Variants in KCNMA1 observed in about 807,000 individuals in gnomAD.
KCNMA1 encodes the protein Calcium-activated potassium channel subunit alpha-1.
KCNMA1 carries 29 observed loss-of-function variants against 140.0 expected under a neutral mutation model. The observed-to-expected ratio is 0.21, with a 90% confidence interval of 0.15 to 0.28. KCNMA1 has a LOEUF of 0.28. Among genes scored for constraint, KCNMA1 ranks in the 10% least tolerant of loss-of-function variants. The pLI, the probability that KCNMA1 is intolerant of heterozygous loss-of-function variation, is 1.00. For synonymous variants in KCNMA1, 612 were observed against 611.9 expected, an observed-to-expected ratio of 1.00 and a Z score of 0.00; for missense variants, 880 against 1,602.2, an observed-to-expected ratio of 0.55 and a Z score of 7.70.
At chr10:77,146,838 T>C (rs1261362149) in intron 5 of KCNMA1, among the ~76,000 whole-genome samples, 1 of 150,758 alleles carries the variant, frequency 6.6e-6, no homozygotes, top group East Asian at 2.0e-4. Flanking sequence ...ATATGCTACA[T>C]AATCACTCAT....
intron 14 of KCNMA1, among the ~76,000 whole-genome samples, chr10:77,045,951 G>A (rs1461474130): frequency 1.3e-5 from 2 of 152,034 alleles, no homozygotes; most frequent in Non-Finnish European, 2.9e-5. Flanking sequence ...TTGAAAACAG[G>A]CAAATTCTTT....
chr10:77,107,077 G>A (rs2097211693), intron 9 of KCNMA1, among the ~76,000 whole-genome samples: 1 of 152,152 alleles, frequency 6.6e-6, no homozygotes, highest in East Asian at 1.9e-4. Context: ...CTGAGCTCAG[G>A]AAGCACTGGA....
At chr10:77,147,211 C>T (rs547999585) in intron 5 of KCNMA1, among the ~76,000 whole-genome samples, 1 of 152,320 alleles carries the variant, frequency 6.6e-6, no homozygotes, top group Admixed American at 6.5e-5. Flanking sequence ...TGTACTATAA[C>T]TTATTCCCAG....
intron 1 of KCNMA1, among the ~76,000 whole-genome samples, chr10:77,609,805 G>A (rs910525080): frequency 7.9e-5 from 12 of 151,776 alleles, no homozygotes; most frequent in African/African-American, 2.9e-4. Flanking sequence ...AGGAACAAGA[G>A]GAAGTCAGGG....
chr10:77,381,133 AT>A (rs1410163263), intron 2 of KCNMA1, among the ~76,000 whole-genome samples: 1 of 152,164 alleles, frequency 6.6e-6, no homozygotes. Context: ...CGTTCAACAG[AT>A]TCATTCATTC....
At chr10:77,114,473 A>T (rs1413572889) in intron 6 of KCNMA1, among the ~76,000 whole-genome samples, 1 of 152,104 alleles carries the variant, frequency 6.6e-6, no homozygotes, top group East Asian at 1.9e-4. Flanking sequence ...CTCTCCTTCC[A>T]TTGTCAACAC....
chr10:76,993,810 C>G (rs2083448515), intron 19 of KCNMA1, among the ~76,000 whole-genome samples: 1 of 152,230 alleles, frequency 6.6e-6, no homozygotes, highest in Admixed American at 6.5e-5. Flanking sequence ...TGGCCTGGCC[C>G]CTGCCAGGAA....
chr10:77,151,516 C>T lies in KCNMA1; in HGVS notation c.809-30468G>A, dbSNP rs1043597665. Among the ~76,000 whole-genome samples the T allele has an allele frequency of 7.2e-5, 11 of 152,066 alleles. No homozygotes were observed. In the East Asian group the frequency reaches 1.9e-3, roughly 27 times the overall value. The stretch of plus-strand genomic sequence containing the variant: ...TGCTGGGATTACAGGCATGAGCCAC[C>T]ACACCTGGCCATAAATCTGCAGTTT... On this transcript the variant is annotated intron_variant, in intron 5 of 27. Transcript: ENST00000286628.
chr10:77,384,482 G>A (rs1478974420), intron 2 of KCNMA1, among the ~76,000 whole-genome samples: 3 of 152,174 alleles, frequency 2.0e-5, no homozygotes, highest in Non-Finnish European at 2.9e-5. Flanking sequence ...TTCCAAATAG[G>A]CCCATTATGA....
intron 1 of KCNMA1, among the ~76,000 whole-genome samples, chr10:77,613,439 A>G (rs1201991677): frequency 6.6e-6 from 1 of 152,242 alleles, no homozygotes; most frequent in Non-Finnish European, 1.5e-5. Flanking sequence ...ATCTAAAATC[A>G]GACCACATGG....
chr10:77,568,513 G>A (rs2069304753), intron 1 of KCNMA1, among the ~76,000 whole-genome samples: 2 of 151,806 alleles, frequency 1.3e-5, no homozygotes, highest in African/African-American at 2.4e-5. Context: ...ATGCAGAAAA[G>A]GCCTTTGACA....
chr10:77,173,330 G>T (rs538933956), intron 5 of KCNMA1, among the ~76,000 whole-genome samples: 57 of 152,226 alleles, frequency 3.7e-4, no homozygotes, highest in South Asian at 1.7e-3. Flanking sequence ...TAGATTGCCT[G>T]AGATCAAAGC....
At chr10:77,574,187 C>T (rs887237842) in intron 1 of KCNMA1, among the ~76,000 whole-genome samples, 1 of 151,924 alleles carries the variant, frequency 6.6e-6, no homozygotes, top group Non-Finnish European at 1.5e-5. Flanking sequence ...AGCTGCATCT[C>T]ATGTGGTAAG....
intron 5 of KCNMA1, among the ~76,000 whole-genome samples, chr10:77,125,324 T>G (rs942393340): frequency 6.6e-6 from 1 of 152,202 alleles, no homozygotes; most frequent in African/African-American, 2.4e-5. Flanking sequence ...CACTATCTCC[T>G]TTTGGATCTG....
chr10:77,192,758 G>C (rs1238842054), intron 3 of KCNMA1, among the ~76,000 whole-genome samples: 1 of 152,052 alleles, frequency 6.6e-6, no homozygotes, highest in Admixed American at 6.6e-5. Flanking sequence ...AAACTGATAG[G>C]ATCAATTGTT....
chr10:76,872,387 T>G (rs941663208), downstream of KCNMA1: 4 of 152,228 alleles, frequency 2.6e-5, no homozygotes, highest in Non-Finnish European at 5.9e-5. Context: ...TCATGATATC[T>G]TCCAGGAAGA....
chr10:77,608,516 C>A (rs528794601), intron 1 of KCNMA1, among the ~76,000 whole-genome samples: 5 of 152,132 alleles, frequency 3.3e-5, no homozygotes, highest in Non-Finnish European at 7.4e-5. Context: ...TGAGCCCCGG[C>A]CAAGGAGAGG....
At chr10:77,367,319 G>A (rs764561357) in intron 2 of KCNMA1, among the ~76,000 whole-genome samples, 27 of 152,296 alleles carry the variant, frequency 1.8e-4, no homozygotes, top group Middle Eastern at 3.4e-3. Context: ...GTTTTTTGAA[G>A]TGATAAAATA....
At chr10:77,121,634 T>A (rs886577633) in intron 5 of KCNMA1, among the ~76,000 whole-genome samples, 1 of 151,908 alleles carries the variant, frequency 6.6e-6, no homozygotes, top group African/African-American at 2.4e-5. Flanking sequence ...TCAAAATTTA[T>A]ATAGTTCCCC....
Sources: allele counts gnomAD v4.1 joint callset (sites outside exome capture counted in the v4.1 genomes callset), GRCh38; gene constraint gnomAD v4.1.1; transcripts MANE v1.5; gene names NCBI Gene and HGNC (gene_info 2026-07-23, HGNC 2026-07-21).